PIAS2: variants seen among roughly 807,000 people sequenced by gnomAD.
PIAS2 encodes protein inhibitor of activated STAT 2.
Under a neutral mutation model 69.7 loss-of-function variants are expected in PIAS2, and 19 were observed. The ratio of observed to expected loss-of-function variants is 0.27; its 90% CI spans 0.19 to 0.40. The LOEUF (loss-of-function observed/expected upper bound fraction) is 0.40, where lower values mean the gene tolerates loss of function less well. PIAS2 is among the 10% of genes least tolerant of loss of function. The pLI is 1.00. For missense variants in PIAS2, 624 were observed against 757.0 expected, an observed-to-expected ratio of 0.82 and a Z score of 2.06; for synonymous variants, 261 against 263.2, an observed-to-expected ratio of 0.99 and a Z score of 0.08.
At chr18:46,882,178 T>C (rs889973399) in intron 2 of PIAS2, among the ~76,000 whole-genome samples, 2 of 152,096 alleles carry the variant, frequency 1.3e-5, no homozygotes, top group African/African-American at 2.4e-5. Flanking sequence ...ATAAAAATAA[T>C]ATATACAGTA....
Position 46,805,345 on chromosome 18 carries a change from TA to T in PIAS2, c.*7087del, listed in dbSNP as rs2040637641. The T allele has an allele frequency of 6.6e-6, 1 of 152,172 alleles. No individual in the cohort carries two copies. Among genetic ancestry groups the T allele is most frequent in the Non-Finnish European group, 1.5e-5 (1 of 68,020 alleles). 9.4% of individuals were successfully genotyped at this position (152,172 alleles called of 1,614,324 possible). A position where few individuals can be genotyped will look rare whatever the true frequency, so the allele number is the denominator to read the frequency against. ...CCAATACCTCACAGACCAACTTGGATAAATCATCTATAGAATGTTCAAGATA... is the reference window on the plus strand; with the variant it reads ...CCAATACCTCACAGACCAACTTGGATAATCATCTATAGAATGTTCAAGATA... On this transcript the variant is annotated 3_prime_UTR_variant, in exon 14 of 14. Transcript: ENST00000585916.
rs1370644948 is a variant in PIAS2 at position 46,820,109 on chromosome 18, C to T, written c.1648+824G>A. 3.3e-5 allele frequency among the ~76,000 whole-genome samples: 5 copies of T among 152,272 alleles called. No homozygotes were observed. In the East Asian group the frequency reaches 5.8e-4, roughly 18 times the overall value. On this transcript the variant is annotated intron_variant, in intron 12 of 13. Transcript: ENST00000585916. Reference sequence around the variant, plus strand: ...CCATCATGCTCCATCCCACCCAGGACATGAACCATTCTTTTGTCCAGTGGC... The same window carrying T: ...CCATCATGCTCCATCCCACCCAGGATATGAACCATTCTTTTGTCCAGTGGC...
At chr18:46,831,612 T>A (rs1367873631) in intron 9 of PIAS2, among the ~76,000 whole-genome samples, 3 of 152,178 alleles carry the variant, frequency 2.0e-5, no homozygotes, top group Admixed American at 1.3e-4. Flanking sequence ...AGTATTGACA[T>A]AACTACAGAC....
intron 1 of PIAS2, among the ~76,000 whole-genome samples, chr18:46,901,651 A>G (rs577529096): frequency 7.2e-5 from 11 of 152,332 alleles, no homozygotes; most frequent in Admixed American, 2.6e-4. Context: ...AATACATCAT[A>G]TTAACAGTTA....
upstream of PIAS2, among the ~76,000 whole-genome samples, chr18:46,919,062 T>C (rs1478844005): frequency 6.6e-6 from 1 of 151,510 alleles, no homozygotes; most frequent in Non-Finnish European, 1.5e-5. Flanking sequence ...CACACACATA[T>C]TGTTTTGGCC....
intron 2 of PIAS2, 130 bp downstream of exon 2, chr18:46,890,450 C>T (rs2053901734): frequency 2.1e-5 from 13 of 609,524 alleles, no homozygotes; most frequent in Admixed American, 6.2e-5. Flanking sequence ...AATTTTTATC[C>T]GTATATTCAA....
chr18:46,890,603 A>T lies in PIAS2; in HGVS notation c.476T>A (p.Val159Asp). The change falls in exon 2 of 14, where the codon GTT becomes GAT. Residue 159 changes from valine (V) to aspartate (D), a missense_variant. Transcript: ENST00000585916. ...ACCTAAACTCGTGGGCTTGATGAGA[A>T]CATCAAGGACATCATAAAAGGGCAG... ...KNLPFYDVLD[V>D]LIKPTSLVQS... 6.2e-7 allele frequency: 1 copy of T among 1,610,482 alleles called. No homozygotes were observed. Among genetic ancestry groups the T allele is most frequent in the Non-Finnish European group, 8.5e-7 (1 of 1,176,780 alleles).
chr18:46,828,283 T>C (rs1040937293), intron 10 of PIAS2, among the ~76,000 whole-genome samples, 153 bp from the exon 11 acceptor site: 4 of 152,230 alleles, frequency 2.6e-5, no homozygotes, highest in Admixed American at 1.3e-4. Context: ...ACCAACTCCC[T>C]AACTCCAGAC....
At chr18:46,886,512 G>T (rs1393642887) in intron 2 of PIAS2, among the ~76,000 whole-genome samples, 1 of 152,134 alleles carries the variant, frequency 6.6e-6, no homozygotes, top group Non-Finnish European at 1.5e-5. Context: ...AATCATAAAA[G>T]ACAGACAACC....
chr18:46,917,431 C>G lies in PIAS2; in HGVS notation c.-86G>C, dbSNP rs930298052. 6 of 1,363,290 alleles carry G rather than the reference C, an allele frequency of 4.4e-6. No individual in the cohort carries two copies. The Admixed American group carries it at 1.2e-4, about 27-fold the overall frequency. The allele number at this position is 1,363,290 out of a possible 1,614,324, so 84.4% of individuals were successfully genotyped here. On this transcript the variant is annotated 5_prime_UTR_variant, in exon 1 of 14. Coordinates refer to ENST00000585916, the MANE Select transcript of PIAS2 (RefSeq NM_004671.5). ...GACGCTGCCGCCACCACGGCCGCCG[C>G]CGCCTCCAGCACCATCCTGCACTGG... is the stretch of plus-strand genomic sequence containing the variant.
chr18:46,917,534 C>G (rs1465396597), upstream of PIAS2: 6 of 1,144,212 alleles, frequency 5.2e-6, no homozygotes, highest in Non-Finnish European at 5.4e-6. Context: ...CCGCCTCCGA[C>G]GCGCCGAAGC....
intron 2 of PIAS2, among the ~76,000 whole-genome samples, chr18:46,881,827 G>A (rs34463734): frequency 0.045 from 6,895 of 152,348 alleles, 307 homozygotes; most frequent in Admixed American, 0.15. Context: ...CACCGGGCAC[G>A]GTGGCTCACG....
intron 1 of PIAS2, among the ~76,000 whole-genome samples, chr18:46,910,384 C>G (rs1227015841): frequency 1.3e-5 from 2 of 151,990 alleles, no homozygotes; most frequent in African/African-American, 4.8e-5. Flanking sequence ...ATACGCCTTA[C>G]CTGTTATAAT....
chr18:46,906,775 G>T (rs78990204), intron 1 of PIAS2, among the ~76,000 whole-genome samples: 15,306 of 75,746 alleles, frequency 0.2, 1,365 homozygotes, highest in East Asian at 0.3. Context: ...TGTGTGTGTG[G>T]GGGGGGGGGG....
chr18:46,846,846 A>G lies in PIAS2; in HGVS notation c.727-5T>C, dbSNP rs371760004. ...TTTAGGCGGTGGTGCATAGCCCTATAACCGTAAGAAAGAAAAATTATTTCA... is the reference window on the plus strand; with the variant it reads ...TTTAGGCGGTGGTGCATAGCCCTATGACCGTAAGAAAGAAAAATTATTTCA... On this transcript the variant is annotated splice_region_variant and splice_polypyrimidine_tract_variant and intron_variant, in intron 5 of 13. Coordinates refer to ENST00000585916, the MANE Select transcript of PIAS2 (RefSeq NM_004671.5). The G allele has an allele frequency of 6.9e-5, 107 of 1,550,034 alleles. No homozygotes were observed. Among genetic ancestry groups the G allele is most frequent in the Non-Finnish European group, 8.8e-5 (101 of 1,151,432 alleles).
chr18:46,870,652 G>A (rs112912486), intron 2 of PIAS2, among the ~76,000 whole-genome samples: 6,413 of 137,356 alleles, frequency 0.047, 184 homozygotes, highest in Non-Finnish European at 0.065. Context: ...AAAGGAACTC[G>A]AGTCATTATT....
chr18:46,918,580 G>C (rs746493520), upstream of PIAS2, among the ~76,000 whole-genome samples: 1 of 152,078 alleles, frequency 6.6e-6, no homozygotes, highest in Non-Finnish European at 1.5e-5. Flanking sequence ...TCCGCCTCCC[G>C]AGTAGCTGCG....
chr18:46,882,484 T>A (rs1336346228), intron 2 of PIAS2, among the ~76,000 whole-genome samples: 1 of 152,160 alleles, frequency 6.6e-6, no homozygotes, highest in African/African-American at 2.4e-5. Context: ...AATATCAAAA[T>A]ATAAAATATT....
intron 1 of PIAS2, among the ~76,000 whole-genome samples, chr18:46,892,367 G>C (rs942492210): frequency 2.6e-5 from 4 of 152,078 alleles, no homozygotes; most frequent in Non-Finnish European, 4.4e-5. Flanking sequence ...TAATGTACAA[G>C]TGAGAGAATA....
Sources: gnomAD v4.1 joint callset for allele counts (sites outside exome capture counted in the v4.1 genomes callset) on GRCh38, gnomAD v4.1.1 for gene constraint, MANE v1.5 for transcripts, NCBI Gene and HGNC (gene_info 2026-07-23, HGNC 2026-07-21) for gene names.